The following WDR72 variants were observed in gnomAD, a reference collection of about 807,000 sequenced individuals.
The protein encoded by WDR72 is WD repeat-containing protein 72.
In WDR72, 120 loss-of-function variants were observed where a neutral mutation model predicts 124.2. The ratio of observed to expected loss-of-function variants is 0.97; its 90% CI spans 0.83 to 1.12. The LOEUF (loss-of-function observed/expected upper bound fraction) is 1.12. WDR72 is among the 50% of genes most tolerant of loss of function. WDR72 has a pLI of 0.00. For missense variants in WDR72, 1,387 were observed against 1,278.8 expected (o/e 1.08, Z -1.29); for synonymous variants, 452 against 441.7 (o/e 1.02, Z -0.29).
chr15:53,519,639 C>T (rs1891672363), intron 19 of WDR72, among the ~76,000 whole-genome samples: 1 of 152,072 alleles, frequency 6.6e-6, no homozygotes, highest in Non-Finnish European at 1.5e-5. Flanking sequence ...TCCAGGTTCA[C>T]TAGCAGGGTC....
intron 14 of WDR72, 96 bp from the exon 15 acceptor site, chr15:53,616,339 T>G: frequency 9.7e-7 from 1 of 1,026,450 alleles, no homozygotes; most frequent in South Asian, 1.4e-5. Flanking sequence ...AGTATTACAT[T>G]GCAGAGCAGC....
chr15:53,534,992 T>C (rs1332483487), intron 18 of WDR72, among the ~76,000 whole-genome samples: 1 of 152,138 alleles, frequency 6.6e-6, no homozygotes, highest in Non-Finnish European at 1.5e-5. Context: ...ATCTCACTGA[T>C]ATTTCATTCC....
At chr15:53,555,033 C>A (rs58156072) in intron 18 of WDR72, among the ~76,000 whole-genome samples, 13,574 of 151,984 alleles carry the variant, frequency 0.089, 732 homozygotes, top group East Asian at 0.25. Context: ...CTCCATCACA[C>A]CACTGAGTAT....
intron 18 of WDR72, among the ~76,000 whole-genome samples, chr15:53,566,012 A>G (rs559160775): frequency 6.6e-6 from 1 of 152,124 alleles, no homozygotes; most frequent in East Asian, 1.9e-4. Flanking sequence ...TATATTCTAC[A>G]GCAGTGTGGA....
chr15:53,622,141 G>A (rs1000689824), intron 14 of WDR72, among the ~76,000 whole-genome samples: 2 of 151,480 alleles, frequency 1.3e-5, no homozygotes, highest in South Asian at 2.1e-4. Context: ...ATAGCAGGGC[G>A]TTAGAAAAAT....
intron 19 of WDR72, among the ~76,000 whole-genome samples, chr15:53,521,131 T>C (rs546942): frequency 0.76 from 115,443 of 152,028 alleles, 44,505 homozygotes; most frequent in South Asian, 0.83. Flanking sequence ...CAGTTCACAG[T>C]GAAAGAAGAC....
At chr15:53,605,752 G>A (rs913263518) in intron 17 of WDR72, among the ~76,000 whole-genome samples, 1 of 152,160 alleles carries the variant, frequency 6.6e-6, no homozygotes, top group Non-Finnish European at 1.5e-5. Flanking sequence ...CTACTTGGGA[G>A]GATGAGGCAG....
At chr15:53,519,424 T>C (rs11630682) in intron 19 of WDR72, among the ~76,000 whole-genome samples, 29,489 of 152,016 alleles carry the variant, frequency 0.19, 3,181 homozygotes, top group East Asian at 0.33. Flanking sequence ...CATGATACTG[T>C]CTCAGTGCTT....
chr15:53,655,303 T>A (rs895896858), intron 14 of WDR72, among the ~76,000 whole-genome samples: 1 of 150,502 alleles, frequency 6.6e-6, no homozygotes. Context: ...AACCTGACTT[T>A]ATAATTGATC....
intron 4 of WDR72, among the ~76,000 whole-genome samples, chr15:53,716,332 T>G (rs1206934666): frequency 6.6e-6 from 1 of 152,216 alleles, no homozygotes; most frequent in Non-Finnish European, 1.5e-5. Context: ...GTGTATGTTT[T>G]GTAGCACTAA....
intron 1 of WDR72, among the ~76,000 whole-genome samples, chr15:53,743,536 G>A (rs1249196395): frequency 6.6e-6 from 1 of 152,000 alleles, no homozygotes. Context: ...CGTTACTTGC[G>A]AATGATTTTT....
intron 6 of WDR72, among the ~76,000 whole-genome samples, chr15:53,713,724 C>A (rs184760389): frequency 3.9e-5 from 6 of 152,028 alleles, no homozygotes; most frequent in African/African-American, 1.4e-4. Context: ...TCCCAAAGTG[C>A]TGGGATTACA....
intron 17 of WDR72, among the ~76,000 whole-genome samples, chr15:53,599,434 T>C (rs2012942091): frequency 6.6e-6 from 1 of 152,134 alleles, no homozygotes; most frequent in South Asian, 2.1e-4. Flanking sequence ...AATCCAACCT[T>C]TGACAAGCCA....
At chr15:53,737,018 C>T (rs2018376121) in intron 1 of WDR72, among the ~76,000 whole-genome samples, 1 of 111,816 alleles carries the variant, frequency 8.9e-6, no homozygotes, top group South Asian at 2.7e-4. Context: ...CACACACACA[C>T]ACACACACAC....
At chr15:53,547,523 A>G (rs984423280) in intron 18 of WDR72, among the ~76,000 whole-genome samples, 32 of 152,212 alleles carry the variant, frequency 2.1e-4, no homozygotes, top group African/African-American at 6.8e-4. Flanking sequence ...GCAGTGATCA[A>G]TAATCTTTGT....
At chr15:53,584,746 T>A (rs554306770) in intron 18 of WDR72, among the ~76,000 whole-genome samples, 1 of 151,882 alleles carries the variant, frequency 6.6e-6, no homozygotes, top group Non-Finnish European at 1.5e-5. Context: ...GCTTGGAGTA[T>A]CCCCATTCCC....
At chr15:53,540,994 G>A (rs556734170) in intron 18 of WDR72, 2 of 159,060 alleles carry the variant, frequency 1.3e-5, no homozygotes, top group East Asian at 1.9e-4. Context: ...AGGGTCCTAC[G>A]CCCACGGAGT....
intron 13 of WDR72, among the ~76,000 whole-genome samples, chr15:53,671,287 C>T (rs2015978490): frequency 6.6e-6 from 1 of 152,186 alleles, no homozygotes; most frequent in Admixed American, 6.5e-5. Context: ...TTTTTTCCTG[C>T]TAGCTCTAGC....
chr15:53,642,493 G>A (rs1373049966), intron 14 of WDR72, among the ~76,000 whole-genome samples: 1 of 151,974 alleles, frequency 6.6e-6, no homozygotes, highest in East Asian at 1.9e-4. Flanking sequence ...CACATCAACA[G>A]CATCATAATA....
Sources: allele counts gnomAD v4.1 joint callset (sites outside exome capture counted in the v4.1 genomes callset), GRCh38; gene constraint gnomAD v4.1.1; transcripts MANE v1.5; gene names NCBI Gene and HGNC (gene_info 2026-07-23, HGNC 2026-07-21).